GPC6: variants seen among roughly 807,000 people sequenced by gnomAD.
GPC6 encodes the protein glypican 6.
In GPC6, 14 loss-of-function variants were observed where a neutral mutation model predicts 55.2. The ratio of observed to expected loss-of-function variants is 0.25; its 90% CI spans 0.17 to 0.40. GPC6 has a LOEUF of 0.40. Ranked by LOEUF, GPC6 falls within the 10% of genes least tolerant of loss-of-function variation. GPC6 has a pLI of 1.00. For synonymous variants in GPC6, 278 were observed against 259.6 expected (o/e 1.07, Z -0.68); for missense variants, 641 against 708.5 (o/e 0.90, Z 1.08).
chr13:93,254,220 A>G (rs1408709522), intron 1 of GPC6, among the ~76,000 whole-genome samples: 3 of 152,136 alleles, frequency 2.0e-5, no homozygotes, highest in Admixed American at 6.6e-5. Flanking sequence ...CAGCTACCGA[A>G]GAGGCTGAGA....
intron 1 of GPC6, among the ~76,000 whole-genome samples, chr13:93,477,130 C>T (rs890944185): frequency 3.3e-5 from 5 of 151,914 alleles, no homozygotes; most frequent in Non-Finnish European, 7.4e-5. Flanking sequence ...GTGATGCATT[C>T]CCAGTGGTTT....
chr13:94,253,229 A>G (rs975001610), intron 4 of GPC6, among the ~76,000 whole-genome samples: 1 of 152,146 alleles, frequency 6.6e-6, no homozygotes, highest in African/African-American at 2.4e-5. Flanking sequence ...GAAGGGTTAC[A>G]AGAGATAAGA....
At chr13:93,458,135 C>T (rs1003040599) in intron 1 of GPC6, among the ~76,000 whole-genome samples, 38 of 152,120 alleles carry the variant, frequency 2.5e-4, no homozygotes, top group African/African-American at 8.7e-4. Flanking sequence ...TTTCTCAGAT[C>T]TAATTTATTT....
At chr13:94,228,155 G>A (rs1024401716) in intron 4 of GPC6, among the ~76,000 whole-genome samples, 2 of 152,124 alleles carry the variant, frequency 1.3e-5, no homozygotes. Flanking sequence ...TAGAACCAAG[G>A]AGGAGACAGT....
chr13:94,367,108 T>G (rs371980700), intron 6 of GPC6, among the ~76,000 whole-genome samples: 6 of 152,238 alleles, frequency 3.9e-5, no homozygotes, highest in African/African-American at 1.4e-4. Flanking sequence ...ATTAGAAACA[T>G]TTAAATAGAG....
rs142362251 is a variant in GPC6 at position 93,264,362 on chromosome 13, A to G, written c.160+36746A>G. Among the ~76,000 whole-genome samples, 33 of 152,298 alleles carry G rather than the reference A, an allele frequency of 2.2e-4. No individual in the cohort carries two copies. The East Asian group carries it at 6.4e-3, about 29-fold the overall frequency. On this transcript the variant is annotated intron_variant, in intron 1 of 8. Transcript: ENST00000377047. Reference sequence around the variant, plus strand: ...TCTAGTCTCATATATAAAATGGCATAGTATTTGCATATAACCTATGTACAT... The same window carrying G: ...TCTAGTCTCATATATAAAATGGCATGGTATTTGCATATAACCTATGTACAT...
chr13:93,583,810 T>C (rs1473820832), intron 2 of GPC6, among the ~76,000 whole-genome samples: 1 of 152,204 alleles, frequency 6.6e-6, no homozygotes, highest in East Asian at 1.9e-4. Context: ...TCATGTGCCT[T>C]GTCAAGTAGC....
At chr13:93,728,716 AC>A (rs917951967) in intron 2 of GPC6, among the ~76,000 whole-genome samples, 1 of 151,770 alleles carries the variant, frequency 6.6e-6, no homozygotes, top group African/African-American at 2.4e-5. Context: ...TTAATCACCC[AC>A]CACCATGCCT....
intron 5 of GPC6, among the ~76,000 whole-genome samples, chr13:94,288,751 TA>T (rs1874691223): frequency 3.0e-5 from 4 of 132,768 alleles, no homozygotes; most frequent in Non-Finnish European, 3.1e-5. Flanking sequence ...ATATATATAA[TA>T]TATATAATAA....
intron 6 of GPC6, among the ~76,000 whole-genome samples, chr13:94,314,060 A>G (rs1245511555): frequency 3.3e-5 from 5 of 152,218 alleles, no homozygotes; most frequent in Non-Finnish European, 7.3e-5. Flanking sequence ...GCTATGTACA[A>G]TCTACATTAT....
chr13:94,006,797 T>C (rs1395130131), intron 3 of GPC6, among the ~76,000 whole-genome samples: 1 of 152,064 alleles, frequency 6.6e-6, no homozygotes, highest in Admixed American at 6.6e-5. Flanking sequence ...TTTTAAGGAG[T>C]AGTTTCAAGT....
intron 4 of GPC6, among the ~76,000 whole-genome samples, chr13:94,134,654 A>G (rs1455533338): frequency 6.6e-6 from 1 of 152,168 alleles, no homozygotes; most frequent in African/African-American, 2.4e-5. Context: ...GAATGTGTTA[A>G]ATAACCCTTA....
chr13:94,243,909 C>G (rs900360857), intron 4 of GPC6, among the ~76,000 whole-genome samples: 2 of 152,146 alleles, frequency 1.3e-5, no homozygotes, highest in African/African-American at 4.8e-5. Context: ...CTTTCTCTTT[C>G]TTTGCCTCAG....
At chr13:94,127,184 A>G (rs1377921392) in intron 4 of GPC6, among the ~76,000 whole-genome samples, 1 of 152,000 alleles carries the variant, frequency 6.6e-6, no homozygotes, top group Non-Finnish European at 1.5e-5. Flanking sequence ...GAACCTATGA[A>G]GGAGAGTTTG....
intron 1 of GPC6, among the ~76,000 whole-genome samples, chr13:93,327,118 C>T (rs571168426): frequency 9.9e-5 from 15 of 152,062 alleles, no homozygotes; most frequent in East Asian, 3.9e-4. Context: ...GATTTTTTTC[C>T]GGTAGTTTTT....
At chr13:93,859,422 A>C (rs1469557517) in intron 3 of GPC6, among the ~76,000 whole-genome samples, 2 of 151,680 alleles carry the variant, frequency 1.3e-5, no homozygotes, top group African/African-American at 4.8e-5. Context: ...ATGATTTTAT[A>C]ATCTGTAAAT....
At chr13:94,080,154 A>G (rs1213564874) in intron 4 of GPC6, among the ~76,000 whole-genome samples, 1 of 152,202 alleles carries the variant, frequency 6.6e-6, no homozygotes, top group Non-Finnish European at 1.5e-5. Context: ...CCAGGATTCA[A>G]TTTTAGAAGA....
At chr13:94,159,574 C>A (rs1283373148) in intron 4 of GPC6, among the ~76,000 whole-genome samples, 3 of 152,076 alleles carry the variant, frequency 2.0e-5, no homozygotes, top group African/African-American at 7.2e-5. Context: ...CCCACCAGGT[C>A]CCTCCCACAA....
chr13:93,879,201 T>TTCTCTGTATTGG (rs1283597563), intron 3 of GPC6, among the ~76,000 whole-genome samples: 1 of 152,126 alleles, frequency 6.6e-6, no homozygotes, highest in Non-Finnish European at 1.5e-5. Flanking sequence ...CTTTAAGCAC[T>TTCTCTGTATTGG]TCTCTGTATT....
Sources: allele counts gnomAD v4.1 joint callset (sites outside exome capture counted in the v4.1 genomes callset), GRCh38; gene constraint gnomAD v4.1.1; transcripts MANE v1.5; gene names NCBI Gene and HGNC (gene_info 2026-07-23, HGNC 2026-07-21).